The following MAP3K9 variants were observed in gnomAD, a reference collection of about 807,000 sequenced individuals.
MAP3K9 encodes mitogen-activated protein kinase kinase kinase 9.
MAP3K9 carries 46 observed loss-of-function variants against 95.8 expected under a neutral mutation model. That is an observed-to-expected ratio of 0.48 (90% CI 0.38 to 0.61). MAP3K9 has a LOEUF of 0.61. MAP3K9 is among the 20% of genes least tolerant of loss of function. The pLI is 0.00. For synonymous variants in MAP3K9, 533 were observed against 593.8 expected, an observed-to-expected ratio of 0.90 and a Z score of 1.49; for missense variants, 1,296 against 1,474.3, an observed-to-expected ratio of 0.88 and a Z score of 1.98.
At chr14:70,767,108 G>A (rs1330771962) in intron 2 of MAP3K9, among the ~76,000 whole-genome samples, 1 of 152,124 alleles carries the variant, frequency 6.6e-6, no homozygotes, top group East Asian at 1.9e-4. Flanking sequence ...TCCCGGCTGG[G>A]TGCGGTGGCT....
At chr14:70,741,871 G>A (rs1238166097) in intron 6 of MAP3K9, among the ~76,000 whole-genome samples, 2 of 152,272 alleles carry the variant, frequency 1.3e-5, no homozygotes, top group Admixed American at 6.5e-5. Flanking sequence ...CACTTGAACC[G>A]GGGAGGTGGA....
At chr14:70,782,976 C>A (rs532991083) in intron 2 of MAP3K9, among the ~76,000 whole-genome samples, 4 of 152,334 alleles carry the variant, frequency 2.6e-5, no homozygotes, top group Middle Eastern at 3.4e-3. Flanking sequence ...TACCCAGAAA[C>A]TGCTGGGAAA....
intron 2 of MAP3K9, among the ~76,000 whole-genome samples, chr14:70,771,893 G>A (rs1234354934): frequency 6.6e-6 from 1 of 152,192 alleles, no homozygotes; most frequent in African/African-American, 2.4e-5. Context: ...CACATAGCAG[G>A]CTCCCTGTTG....
In MAP3K9 at chr14:70,788,580, G is replaced by C. The variant is rs569880046; in HGVS notation, c.820+12087C>G. On this transcript the variant is annotated intron_variant, in intron 2 of 11. Transcript: ENST00000554752. ...CCAGTTTCACCCACAGTTCACATGG[G>C]CTCATCCCCAAAAGAAGAGAGGGTT... Among the ~76,000 whole-genome samples the C allele has an allele frequency of 1.4e-4, 22 of 152,306 alleles. No homozygotes were observed. The East Asian group carries it at 4.0e-3, about 28-fold the overall frequency.
chr14:70,774,231 A>G (rs185904045), intron 2 of MAP3K9, among the ~76,000 whole-genome samples: 1 of 152,356 alleles, frequency 6.6e-6, no homozygotes, highest in Non-Finnish European at 1.5e-5. Context: ...AATTAAACCA[A>G]TATCTCCCCT....
intron 2 of MAP3K9, chr14:70,783,216 G>C (rs1326717389): frequency 1.0e-6 from 1 of 970,356 alleles, no homozygotes; most frequent in Non-Finnish European, 1.2e-6. Context: ...TAAAGCCACA[G>C]ACTCACATGT....
In MAP3K9 at chr14:70,750,357, C is replaced by G. The variant is rs111707867; in HGVS notation, c.1002-276G>C. On this transcript the variant is annotated intron_variant, in intron 3 of 11. Coordinates refer to ENST00000554752, the MANE Select transcript of MAP3K9 (RefSeq NM_001284230.2). ...ACTACACCTCTTTAAGCCTCTAATT[C>G]CTCATCTGTAATGCACGAATAACAC... is the stretch of plus-strand genomic sequence containing the variant. Among the ~76,000 whole-genome samples the G allele has an allele frequency of 8.3e-3, 1,267 of 152,296 alleles. 16 individuals are homozygous for G. Among genetic ancestry groups the G allele is most frequent in the African/African-American group, 0.028 (1,164 of 41,550 alleles).
Position 70,733,168 on chromosome 14 carries a change from G to T in MAP3K9, c.2201C>A (p.Thr734Lys). ...GCCCCGCTTGAGGCTGTTGGTTGGC[G>T]TCAGCTGAGGGGTACTCGTGGCCGA... ...VNSATSTPQL[T>K]PTNSLKRGGA... The change falls in exon 11 of 12, where the codon ACG (threonine) becomes AAG (lysine). Residue 734 changes from threonine to lysine, a missense_variant. Thr to Lys is a moderately conservative substitution (Grantham distance 78). Around this residue, in one of 5 missense-constraint regions of MAP3K9, gnomAD observed 377 missense variants for 417.1 expected, o/e 0.90. Transcript: ENST00000554752. The T allele has an allele frequency of 6.2e-7, 1 of 1,611,646 alleles. No homozygotes were observed. The highest frequency in any genetic ancestry group is 8.5e-7 in the Non-Finnish European group (1 of 1,178,208).
chr14:70,751,593 C>T (rs2054228809), intron 3 of MAP3K9, among the ~76,000 whole-genome samples: 1 of 151,954 alleles, frequency 6.6e-6, no homozygotes, highest in Admixed American at 6.6e-5. Context: ...GTGGTGCATG[C>T]CTGTAATCCC....
intron 2 of MAP3K9, among the ~76,000 whole-genome samples, chr14:70,790,739 T>C (rs2054798587): frequency 6.6e-6 from 1 of 152,204 alleles, no homozygotes; most frequent in Non-Finnish European, 1.5e-5. Context: ...TACAAGAGGC[T>C]GTCAGGGGTA....
intron 3 of MAP3K9, among the ~76,000 whole-genome samples, chr14:70,760,040 G>A (rs1271316452): frequency 2.2e-5 from 3 of 135,378 alleles, no homozygotes; most frequent in Middle Eastern, 3.9e-3. Context: ...ACAGGCATGA[G>A]CCACTGTATC....
chr14:70,759,713 A>G (rs1053275895), intron 3 of MAP3K9, among the ~76,000 whole-genome samples: 1 of 152,162 alleles, frequency 6.6e-6, no homozygotes, highest in African/African-American at 2.4e-5. Flanking sequence ...AACAATGGTG[A>G]CCCATACACA....
In MAP3K9 at chr14:70,733,265, G is replaced by A. The variant is rs757166012; in HGVS notation, c.2104C>T (p.Pro702Ser). The A allele has an allele frequency of 6.2e-7, 1 of 1,611,850 alleles. No individual in the cohort carries two copies. The highest frequency in any genetic ancestry group is 8.5e-7 in the Non-Finnish European group (1 of 1,178,610). ...HSPSQSYLCI[P>S]FPRGEDGDGP... ...TCGCCATCCTCTCCACGAGGGAATG[G>A]GATACAGAGGTAGGACTGGCTGGGT... Residue 702 changes from proline (P) to serine (S), a missense_variant, in exon 11 of 12, where the codon CCA becomes TCA. Around this residue, in one of 5 missense-constraint regions of MAP3K9, gnomAD observed 377 missense variants for 417.1 expected, o/e 0.90. Coordinates refer to ENST00000554752, the MANE Select transcript of MAP3K9 (RefSeq NM_001284230.2).
In MAP3K9 at chr14:70,724,758, CCA is replaced by C. The variant is rs1424483328; in HGVS notation, c.*5620_*5621del. 5 of 152,188 alleles carry C rather than the reference CCA, an allele frequency of 3.3e-5. No individual in the cohort carries two copies. Among genetic ancestry groups the C allele is most frequent in the African/African-American group, 1.2e-4 (5 of 41,432 alleles). The allele number at this position is 152,188 out of a possible 1,614,324, so 9.4% of individuals were successfully genotyped here. On this transcript the variant is annotated 3_prime_UTR_variant, in exon 12 of 12. Coordinates refer to ENST00000554752, the MANE Select transcript of MAP3K9 (RefSeq NM_001284230.2). Reference sequence around the variant, plus strand: ...TTCAGTGAGCGCAGGGCAAGGAACACCACGGCCCTGGGGCCCTCGCTCCCCAG... The same window carrying C: ...TTCAGTGAGCGCAGGGCAAGGAACACCGGCCCTGGGGCCCTCGCTCCCCAG...
At chr14:70,747,015 T>C (rs898774296) in intron 5 of MAP3K9, among the ~76,000 whole-genome samples, 12 of 152,242 alleles carry the variant, frequency 7.9e-5, no homozygotes, top group African/African-American at 7.2e-5. Context: ...TAAAGAGTCA[T>C]TGTAAGCTCA....
At chr14:70,752,524 T>C (rs2054243272) in intron 3 of MAP3K9, among the ~76,000 whole-genome samples, 3 of 152,298 alleles carry the variant, frequency 2.0e-5, no homozygotes, top group South Asian at 4.1e-4. Flanking sequence ...ATCCAGGTAG[T>C]GGTCATGCTG....
chr14:70,789,188 G>A (rs1311080576), intron 2 of MAP3K9, among the ~76,000 whole-genome samples: 4 of 152,160 alleles, frequency 2.6e-5, no homozygotes, highest in South Asian at 2.1e-4. Context: ...CAAGACGCAC[G>A]GGCCGTTTCC....
chr14:70,739,377 G>A lies in MAP3K9; in HGVS notation c.1690+665C>T, dbSNP rs1248496195. 5.9e-5 allele frequency among the ~76,000 whole-genome samples: 9 copies of A among 152,090 alleles called. No homozygotes were observed. In the South Asian group the frequency reaches 1.0e-3, roughly 18 times the overall value. On this transcript the variant is annotated intron_variant, in intron 7 of 11. Transcript: ENST00000554752. ...GATCTCCTGACCTCATGATCTGCCC[G>A]CCTCAGCCTCCCAGAGTGCTGGGAT...
intron 1 of MAP3K9, among the ~76,000 whole-genome samples, chr14:70,801,928 T>C (rs942533322): frequency 6.6e-6 from 1 of 152,170 alleles, no homozygotes; most frequent in African/African-American, 2.4e-5. Context: ...GGCCAGGTCA[T>C]GTGCATCAGG....
Sources: allele counts gnomAD v4.1 joint callset (sites outside exome capture counted in the v4.1 genomes callset), GRCh38; gene constraint gnomAD v4.1.1; regional missense constraint gnomAD v4.1.1; transcripts MANE v1.5; gene names NCBI Gene and HGNC (gene_info 2026-07-23, HGNC 2026-07-21).